The following KLF12 variants were observed in gnomAD, a reference collection of about 807,000 sequenced individuals.
The protein encoded by KLF12 is KLF transcription factor 12.
Under a neutral mutation model 37.8 loss-of-function variants are expected in KLF12, and 9 were observed. That is an observed-to-expected ratio of 0.24 (90% CI 0.14 to 0.42). The LOEUF (loss-of-function observed/expected upper bound fraction) is 0.42, where lower values mean the gene tolerates loss of function less well. Among genes scored for constraint, KLF12 ranks in the 10% least tolerant of loss-of-function variants. The pLI is 1.00. For missense variants in KLF12, 411 were observed against 516.0 expected (o/e 0.80, Z 1.97); for synonymous variants, 208 against 202.1 (o/e 1.03, Z -0.25).
At chr13:74,187,234 C>T in the KLF12 span, among the ~76,000 whole-genome samples, 3 of 151,674 alleles carry the variant, frequency 2.0e-5, no homozygotes, top group Non-Finnish European at 2.9e-5. Flanking sequence ...AGAGGTGAGA[C>T]GATCACTCGA....
At chr13:73,853,069 G>A (rs775134152) in intron 3 of KLF12, among the ~76,000 whole-genome samples, 141 of 151,796 alleles carry the variant, frequency 9.3e-4, no homozygotes, top group African/African-American at 2.3e-3. Context: ...GGGTTTCACC[G>A]TGTTAGCCAG....
At chr13:74,256,947 C>A in the KLF12 span, 2 of 152,060 alleles carry the variant, frequency 1.3e-5, no homozygotes. Flanking sequence ...TATTCCGTGA[C>A]ATCTTATCTA....
intron 4 of KLF12, among the ~76,000 whole-genome samples, chr13:73,823,835 C>T (rs547473821): frequency 7.6e-4 from 115 of 152,112 alleles, no homozygotes; most frequent in African/African-American, 2.6e-3. Flanking sequence ...CTCAGCCTCC[C>T]GAGTAGCTGG....
At chr13:74,215,284 C>T in the KLF12 span, among the ~76,000 whole-genome samples, 1 of 151,858 alleles carries the variant, frequency 6.6e-6, no homozygotes. Context: ...TCTTCCTACA[C>T]TTCTATTAAC....
upstream of KLF12, among the ~76,000 whole-genome samples, chr13:74,135,762 G>A (rs1878533898): frequency 6.6e-6 from 1 of 152,198 alleles, no homozygotes; most frequent in Non-Finnish European, 1.5e-5. Flanking sequence ...GCCGGGAAGG[G>A]GAAGTTTGTG....
intron 3 of KLF12, among the ~76,000 whole-genome samples, chr13:73,868,486 G>A (rs1886302602): frequency 6.6e-6 from 1 of 151,822 alleles, no homozygotes. Flanking sequence ...CGCCTCCCGG[G>A]TTCAAGTGAT....
intron 5 of KLF12, among the ~76,000 whole-genome samples, chr13:73,810,646 GAC>G (rs71927679): frequency 8.6e-5 from 13 of 150,772 alleles, no homozygotes; most frequent in African/African-American, 2.0e-4. Flanking sequence ...TATTTATAAA[GAC>G]ACACACACAC....
intron 1 of KLF12, among the ~76,000 whole-genome samples, chr13:74,042,461 T>C (rs1372474414): frequency 1.3e-5 from 2 of 152,184 alleles, no homozygotes; most frequent in African/African-American, 4.8e-5. Flanking sequence ...CTCCATGTTT[T>C]TACCGTAACA....
At chr13:73,952,725 A>G (rs549859752) in intron 2 of KLF12, among the ~76,000 whole-genome samples, 1 of 152,374 alleles carries the variant, frequency 6.6e-6, no homozygotes, top group South Asian at 2.1e-4. Flanking sequence ...GTGTATGGGC[A>G]TCACATAACA....
intron 1 of KLF12, among the ~76,000 whole-genome samples, chr13:74,006,449 G>A (rs982430910): frequency 2.0e-5 from 3 of 152,130 alleles, no homozygotes; most frequent in Admixed American, 2.0e-4. Context: ...ACACCTTTGG[G>A]CAAAATTTCC....
intron 1 of KLF12, among the ~76,000 whole-genome samples, chr13:74,006,899 T>C (rs1323866214): frequency 2.0e-5 from 3 of 152,222 alleles, no homozygotes; most frequent in African/African-American, 7.2e-5. Flanking sequence ...CCAATGCACA[T>C]GACAAACATA....
chr13:74,156,279 A>G, the KLF12 span, among the ~76,000 whole-genome samples: 1 of 152,140 alleles, frequency 6.6e-6, no homozygotes, highest in Non-Finnish European at 1.5e-5. Context: ...TGGTCTAGTT[A>G]TGTTTCTTTC....
chr13:73,698,938 T>C (rs1874343169), intron 7 of KLF12, among the ~76,000 whole-genome samples: 1 of 152,174 alleles, frequency 6.6e-6, no homozygotes, highest in Non-Finnish European at 1.5e-5. Context: ...TTAGTTACAG[T>C]TCAATCACTT....
intron 7 of KLF12, among the ~76,000 whole-genome samples, chr13:73,698,998 TAA>T (rs895707444): frequency 4.3e-4 from 65 of 152,128 alleles, no homozygotes; most frequent in Non-Finnish European, 8.7e-4. Flanking sequence ...CTCTCAGTGA[TAA>T]ACACACATGA....
intron 1 of KLF12, among the ~76,000 whole-genome samples, chr13:74,031,364 T>C (rs1893107613): frequency 6.6e-6 from 1 of 152,154 alleles, no homozygotes; most frequent in Non-Finnish European, 1.5e-5. Context: ...ATATGCTATA[T>C]GTTGAGTGAA....
intron 2 of KLF12, among the ~76,000 whole-genome samples, chr13:73,960,938 T>TTTTA (rs1238161969): frequency 2.9e-4 from 44 of 152,144 alleles, no homozygotes; most frequent in Admixed American, 1.0e-3. Flanking sequence ...AATACTTTAA[T>TTTTA]TTTATTTATT....
rs1425205729 is a variant in KLF12 at position 74,067,271 on chromosome 13, T to C, written c.-32+66468A>G. 2.0e-5 allele frequency among the ~76,000 whole-genome samples: 3 copies of C among 152,212 alleles called. No homozygotes were observed. The East Asian group carries it at 5.8e-4, about 29-fold the overall frequency. ...GATGAAAAAGAGTCTGTATATGAAA[T>C]TGAATACCTTTGTCCTTGGTCTCTA... On this transcript the variant is annotated intron_variant, in intron 1 of 7. Coordinates refer to ENST00000377669, the MANE Select transcript of KLF12 (RefSeq NM_007249.5).
At chr13:73,873,258 ATT>A (rs1375572182) in intron 3 of KLF12, among the ~76,000 whole-genome samples, 1 of 152,166 alleles carries the variant, frequency 6.6e-6, no homozygotes, top group East Asian at 1.9e-4. Flanking sequence ...CTCAACCTTT[ATT>A]TTTAATAAAC....
chr13:74,178,000 T>G, the KLF12 span, among the ~76,000 whole-genome samples: 1 of 152,180 alleles, frequency 6.6e-6, no homozygotes, highest in Non-Finnish European at 1.5e-5. Flanking sequence ...TTAAATGCAT[T>G]AGGGGTTGCA....
Sources: gnomAD v4.1 joint callset for allele counts (sites outside exome capture counted in the v4.1 genomes callset) on GRCh38, gnomAD v4.1.1 for gene constraint, MANE v1.5 for transcripts, NCBI Gene and HGNC (gene_info 2026-07-23, HGNC 2026-07-21) for gene names.